Variants in PTPRD observed in about 807,000 individuals in gnomAD.
PTPRD encodes protein tyrosine phosphatase receptor type D.
A neutral mutation model predicts 214.5 loss-of-function variants in PTPRD; 34 were observed. The ratio of observed to expected loss-of-function variants is 0.16; its 90% CI spans 0.12 to 0.21. PTPRD has a LOEUF of 0.21. Ranked by LOEUF, PTPRD falls within the 10% of genes least tolerant of loss-of-function variation. PTPRD has a pLI of 1.00. For missense variants in PTPRD, 2,545 were observed against 2,398.7 expected (o/e 1.06, Z -1.27); for synonymous variants, 1,128 against 845.7 (o/e 1.33, Z -5.79).
rs59824704 is a variant in PTPRD at position 9,087,878 on chromosome 9, CTTTTTTTTTTTTTTTT to C, written c.-142-69159_-142-69144del. Among the ~76,000 whole-genome samples, 8 of 68,640 alleles carry C rather than the reference CTTTTTTTTTTTTTTTT, an allele frequency of 1.2e-4. No homozygotes were observed. In the East Asian group the frequency reaches 4.2e-3, roughly 36 times the overall value. 45.0% of individuals were successfully genotyped at this position (68,640 alleles called of 152,430 possible). On this transcript the variant is annotated intron_variant, in intron 10 of 45. Transcript: ENST00000381196. ...TTATTTTCCACCAGAGCCCTAAACT[CTTTTTTTTTTTTTTTT>C]TTTTTTTTTTGAGACAGAGTCTCAC...
chr9:8,970,593 T>C (rs1310242232), intron 11 of PTPRD, among the ~76,000 whole-genome samples: 1 of 151,444 alleles, frequency 6.6e-6, no homozygotes, highest in Non-Finnish European at 1.5e-5. Flanking sequence ...AAAAAAGACA[T>C]AGAAGTGGAG....
At chr9:8,540,105 T>C (rs567210289) in intron 14 of PTPRD, among the ~76,000 whole-genome samples, 1 of 152,270 alleles carries the variant, frequency 6.6e-6, no homozygotes, top group East Asian at 1.9e-4. Context: ...ATAAGTTCTT[T>C]GTACTGTAGT....
At position 9,525,331 on chromosome 9, in the gene PTPRD, A is replaced by G. The variant is rs1213453379; in HGVS notation, c.-237+49401T>C. Among the ~76,000 whole-genome samples the G allele has an allele frequency of 2.6e-5, 4 of 152,230 alleles. No individual in the cohort carries two copies. In the East Asian group the frequency reaches 7.7e-4, roughly 29 times the overall value. On this transcript the variant is annotated intron_variant, in intron 8 of 45. Transcript: ENST00000381196. ...AAAACATACAAGAATCCCATCCCAG[A>G]CCATTATATTTCAACCAAGGATGAT...
At chr9:9,082,758 T>C (rs324471) in intron 10 of PTPRD, among the ~76,000 whole-genome samples, 11 of 151,756 alleles carry the variant, frequency 7.2e-5, no homozygotes, top group Non-Finnish European at 1.5e-4. Flanking sequence ...ACACCAATAA[T>C]AGACAAACAG....
intron 3 of PTPRD, among the ~76,000 whole-genome samples, chr9:10,207,512 T>C (rs1256633839): frequency 1.3e-5 from 2 of 152,026 alleles, no homozygotes; most frequent in African/African-American, 4.8e-5. Flanking sequence ...CTGGTATTAA[T>C]TCTTTCTAAA....
intron 10 of PTPRD, among the ~76,000 whole-genome samples, chr9:9,072,993 G>A (rs1226861653): frequency 1.3e-5 from 2 of 152,138 alleles, no homozygotes; most frequent in Non-Finnish European, 2.9e-5. Context: ...TCGATTTGAG[G>A]ATCTCAAACA....
Position 8,517,888 on chromosome 9 carries a change from A to C in PTPRD, c.1503T>G (p.Gly501=). The C allele has an allele frequency of 6.2e-7, 1 of 1,614,082 alleles. No individual in the cohort carries two copies. Among genetic ancestry groups the C allele is most frequent in the South Asian group, 1.1e-5 (1 of 91,068 alleles). Residue 501 remains glycine (G), a synonymous_variant, in exon 21 of 46, where the codon GGT becomes GGG. Coordinates refer to ENST00000381196, the MANE Select transcript of PTPRD (RefSeq NM_002839.4). ...TGACTTGTATGTCACTTGAAAGGGG[A>C]CCATCTCCAATTGAGGTAAAAGCCA... is the stretch of plus-strand genomic sequence containing the variant. The part of the protein sequence containing the change: ...KVLAFTSIGD[G]PLSSDIQVIT...
At chr9:9,109,836 G>C (rs1241634373) in intron 10 of PTPRD, among the ~76,000 whole-genome samples, 1 of 152,120 alleles carries the variant, frequency 6.6e-6, no homozygotes, top group African/African-American at 2.4e-5. Context: ...GAGTTGGAGA[G>C]TCTGGGGATG....
At chr9:9,377,739 G>A (rs1166678339) in intron 9 of PTPRD, among the ~76,000 whole-genome samples, 1 of 152,078 alleles carries the variant, frequency 6.6e-6, no homozygotes, top group African/African-American at 2.4e-5. Flanking sequence ...GATGAAACAA[G>A]GTGGGTGGTG....
intron 8 of PTPRD, among the ~76,000 whole-genome samples, chr9:9,437,926 T>G (rs2085975302): frequency 6.6e-6 from 1 of 152,204 alleles, no homozygotes; most frequent in African/African-American, 2.4e-5. Flanking sequence ...ATTCATTGTC[T>G]CACAGTTCTG....
chr9:9,431,629 C>T (rs1431638888), intron 8 of PTPRD, among the ~76,000 whole-genome samples: 1 of 152,006 alleles, frequency 6.6e-6, no homozygotes, highest in Non-Finnish European at 1.5e-5. Flanking sequence ...GCACTATTCA[C>T]AATAGCAAAG....
At chr9:9,557,180 A>G (rs1355841605) in intron 8 of PTPRD, among the ~76,000 whole-genome samples, 1 of 152,196 alleles carries the variant, frequency 6.6e-6, no homozygotes, top group Non-Finnish European at 1.5e-5. Context: ...CCTCTCAGCC[A>G]AGGCATTCCA....
chr9:8,891,062 A>G (rs1281704889), intron 11 of PTPRD, among the ~76,000 whole-genome samples: 1 of 151,936 alleles, frequency 6.6e-6, no homozygotes, highest in Non-Finnish European at 1.5e-5. Context: ...TCTTTGGAAA[A>G]TCAATTAGCC....
chr9:9,108,746 A>T (rs373511519), intron 10 of PTPRD, among the ~76,000 whole-genome samples: 1 of 152,188 alleles, frequency 6.6e-6, no homozygotes, highest in South Asian at 2.1e-4. Context: ...GGGACTATAA[A>T]TACCAGGTGA....
chr9:9,071,186 G>A (rs76760764), intron 10 of PTPRD, among the ~76,000 whole-genome samples: 2,250 of 152,270 alleles, frequency 0.015, 66 homozygotes, highest in African/African-American at 0.051. Context: ...AAAACTTGGA[G>A]TGGCTTGCAT....
chr9:8,686,952 A>G (rs1293200291), intron 12 of PTPRD, among the ~76,000 whole-genome samples: 1 of 152,192 alleles, frequency 6.6e-6, no homozygotes, highest in Non-Finnish European at 1.5e-5. Context: ...CTATGAAGCT[A>G]ATGTGTAAGA....
At chr9:9,142,392 A>T (rs567431915) in intron 10 of PTPRD, among the ~76,000 whole-genome samples, 7 of 152,192 alleles carry the variant, frequency 4.6e-5, no homozygotes, top group Non-Finnish European at 1.0e-4. Context: ...TTTTATTCTT[A>T]CAAATATATT....
chr9:9,357,702 T>C (rs900132124), intron 9 of PTPRD, among the ~76,000 whole-genome samples: 4 of 141,180 alleles, frequency 2.8e-5, no homozygotes, highest in African/African-American at 1.1e-4. Context: ...TGCTGCTCAA[T>C]AGTTTTTAAA....
intron 3 of PTPRD, among the ~76,000 whole-genome samples, chr9:10,086,030 T>C (rs1418663670): frequency 2.0e-5 from 3 of 151,778 alleles, no homozygotes; most frequent in Non-Finnish European, 2.9e-5. Context: ...ACCAATTCAA[T>C]TCAATATATA....
Sources: gnomAD v4.1 joint callset for allele counts (sites outside exome capture counted in the v4.1 genomes callset) on GRCh38, gnomAD v4.1.1 for gene constraint, MANE v1.5 for transcripts, NCBI Gene and HGNC (gene_info 2026-07-23, HGNC 2026-07-21) for gene names.